Variants in SCFD2 observed in about 807,000 individuals in gnomAD.
SCFD2 encodes sec1 family domain-containing protein 2.
Under a neutral mutation model 58.9 loss-of-function variants are expected in SCFD2, and 54 were observed. The ratio of observed to expected loss-of-function variants is 0.92; its 90% CI spans 0.74 to 1.15. SCFD2 has a LOEUF of 1.15. SCFD2 is among the 50% of genes most tolerant of loss of function. The probability of loss-of-function intolerance (pLI) is 0.00; values close to 1 mark genes in which losing one functional copy is unlikely to be tolerated. For missense variants in SCFD2, 805 were observed against 836.6 expected, an observed-to-expected ratio of 0.96 and a Z score of 0.47; for synonymous variants, 321 against 335.9, an observed-to-expected ratio of 0.96 and a Z score of 0.49.
intron 2 of SCFD2, among the ~76,000 whole-genome samples, chr4:53,318,446 G>T (rs1029736117): frequency 6.6e-6 from 1 of 152,050 alleles, no homozygotes; most frequent in African/African-American, 2.4e-5. Flanking sequence ...CTAATATAAA[G>T]ATATTAATCA....
At chr4:53,300,495 T>C (rs1577947367) in intron 3 of SCFD2, among the ~76,000 whole-genome samples, 1 of 152,054 alleles carries the variant, frequency 6.6e-6, no homozygotes, top group Non-Finnish European at 1.5e-5. Context: ...CACACAATAA[T>C]ACTGGGAGAC....
intron 7 of SCFD2, among the ~76,000 whole-genome samples, chr4:52,904,328 G>T (rs760365591): frequency 1.3e-5 from 2 of 152,188 alleles, no homozygotes; most frequent in African/African-American, 2.4e-5. Flanking sequence ...GCCTTTTTGT[G>T]TCTTTCTGGC....
chr4:53,282,814 G>GT (rs1731547181), intron 3 of SCFD2, among the ~76,000 whole-genome samples: 1 of 152,034 alleles, frequency 6.6e-6, no homozygotes. Flanking sequence ...ATCATGTGTG[G>GT]TTTTTTAAAT....
At chr4:53,103,234 AG>A (rs1330625029) in intron 5 of SCFD2, among the ~76,000 whole-genome samples, 1 of 152,112 alleles carries the variant, frequency 6.6e-6, no homozygotes, top group African/African-American at 2.4e-5. Context: ...TGATTAGCAA[AG>A]GGCTCTGGAT....
intron 1 of SCFD2, among the ~76,000 whole-genome samples, chr4:53,362,360 G>C (rs1560466240): frequency 1.3e-5 from 2 of 152,126 alleles, no homozygotes; most frequent in Non-Finnish European, 2.9e-5. Flanking sequence ...CTTGACAGGA[G>C]GTATGATCAG....
chr4:52,957,828 G>C (rs1720746494), intron 5 of SCFD2: 1 of 152,186 alleles, frequency 6.6e-6, no homozygotes, highest in Non-Finnish European at 1.5e-5. Flanking sequence ...GCTGATAGAG[G>C]TATGTGTTTA....
At chr4:53,183,094 C>T (rs543019524) in intron 4 of SCFD2, among the ~76,000 whole-genome samples, 8 of 152,262 alleles carry the variant, frequency 5.3e-5, no homozygotes, top group South Asian at 4.2e-4. Context: ...GTCAGTGTGG[C>T]GATTCCTCAG....
intron 2 of SCFD2, among the ~76,000 whole-genome samples, chr4:53,342,364 C>T (rs1002832874): frequency 2.6e-5 from 4 of 152,054 alleles, no homozygotes; most frequent in East Asian, 1.9e-4. Flanking sequence ...ACAAAGAAGG[C>T]CATTACATAA....
chr4:52,964,254 G>A (rs1024130516), intron 5 of SCFD2, among the ~76,000 whole-genome samples: 6 of 152,248 alleles, frequency 3.9e-5, no homozygotes, highest in Non-Finnish European at 7.4e-5. Flanking sequence ...ACTAGGTCAG[G>A]AATATTTCTG....
intron 4 of SCFD2, among the ~76,000 whole-genome samples, chr4:53,214,580 A>T (rs1560389445): frequency 6.6e-6 from 1 of 152,018 alleles, no homozygotes; most frequent in Non-Finnish European, 1.5e-5. Context: ...AGGTTGCAAA[A>T]ATTTTCTCCC....
chr4:52,907,758 T>TA (rs1719383346), intron 6 of SCFD2, among the ~76,000 whole-genome samples, 167 bp from the exon 7 acceptor site: 1 of 151,646 alleles, frequency 6.6e-6, no homozygotes, highest in Non-Finnish European at 1.5e-5. Flanking sequence ...GAAAAGACAA[T>TA]ATAACAACAT....
intron 7 of SCFD2, among the ~76,000 whole-genome samples, chr4:52,898,131 GT>G (rs1560474076): frequency 6.6e-6 from 1 of 152,096 alleles, no homozygotes; most frequent in African/African-American, 2.4e-5. Flanking sequence ...TTTTTGAAGG[GT>G]TTTTTGTGTC....
chr4:53,269,749 C>T (rs973575370), intron 4 of SCFD2, among the ~76,000 whole-genome samples: 6 of 152,060 alleles, frequency 3.9e-5, no homozygotes, highest in South Asian at 4.2e-4. Context: ...AATACAGGCC[C>T]GGTGCAGTGG....
At chr4:53,193,899 A>C (rs546697517) in intron 4 of SCFD2, among the ~76,000 whole-genome samples, 1 of 152,250 alleles carries the variant, frequency 6.6e-6, no homozygotes, top group East Asian at 1.9e-4. Context: ...ACCCCTTCCC[A>C]AGTCTGCGCC....
At chr4:53,024,973 A>AT in intron 5 of SCFD2, among the ~76,000 whole-genome samples, 1 of 152,238 alleles carries the variant, frequency 6.6e-6, no homozygotes, top group South Asian at 2.1e-4. Flanking sequence ...CATTTGTCCC[A>AT]CTGGTTATAC....
chr4:53,068,723 T>C (rs1308396704), intron 5 of SCFD2, among the ~76,000 whole-genome samples: 1 of 152,110 alleles, frequency 6.6e-6, no homozygotes, highest in Non-Finnish European at 1.5e-5. Context: ...AACCATACTT[T>C]ATTTAACCAA....
intron 4 of SCFD2, among the ~76,000 whole-genome samples, chr4:53,269,796 G>A (rs566711032): frequency 2.5e-4 from 38 of 152,284 alleles, no homozygotes; most frequent in Admixed American, 7.2e-4. Context: ...AGGCCAAGGC[G>A]GGCAGATCAC....
chr4:53,047,534 A>C (rs1250618919), intron 5 of SCFD2, among the ~76,000 whole-genome samples: 1 of 152,126 alleles, frequency 6.6e-6, no homozygotes, highest in Non-Finnish European at 1.5e-5. Flanking sequence ...CTCCTTAACT[A>C]TCTGTTCCTC....
intron 4 of SCFD2, among the ~76,000 whole-genome samples, chr4:53,215,016 C>A (rs1728767954): frequency 6.6e-6 from 1 of 152,104 alleles, no homozygotes; most frequent in Non-Finnish European, 1.5e-5. Flanking sequence ...GTCTATATCT[C>A]TGTTTTGGTA....
Sources: allele counts gnomAD v4.1 joint callset (sites outside exome capture counted in the v4.1 genomes callset), GRCh38; gene constraint gnomAD v4.1.1; transcripts MANE v1.5; gene names NCBI Gene and HGNC (gene_info 2026-07-23, HGNC 2026-07-21).